Variants in ITIH2 observed in about 807,000 individuals in gnomAD.
ITIH2 encodes inter-alpha-trypsin inhibitor heavy chain H2.
In ITIH2, 103 loss-of-function variants were observed where a neutral mutation model predicts 104.4. That is an observed-to-expected ratio of 0.99 (90% CI 0.84 to 1.16). ITIH2 has a LOEUF of 1.16. ITIH2 is among the 50% of genes most tolerant of loss of function. The probability of loss-of-function intolerance (pLI) is 0.00; values close to 1 mark genes in which losing one functional copy is unlikely to be tolerated. For missense variants in ITIH2, 1,108 were observed against 1,162.4 expected (o/e 0.95, Z 0.68); for synonymous variants, 436 against 435.4 (o/e 1.00, Z -0.02).
rs536052385 is a variant in ITIH2 at position 7,712,130 on chromosome 10, C to T, written c.363-1051C>T. ...CATAATATTCTGTCTTCATCAGCTC[C>T]GGCTGCTATGACTAAGTACCATAAA... On this transcript the variant is annotated intron_variant, in intron 4 of 20. Coordinates refer to ENST00000358415, the MANE Select transcript of ITIH2 (RefSeq NM_002216.3). 1.3e-4 allele frequency among the ~76,000 whole-genome samples: 20 copies of T among 152,206 alleles called. No individual in the cohort carries two copies. In the South Asian group the frequency reaches 2.9e-3, roughly 22 times the overall value.
rs1049543111 is a variant in ITIH2, at chr10:7,720,807, G to A, written c.631-49G>A. On this transcript the variant is annotated intron_variant, in intron 6 of 20. Transcript: ENST00000358415. ...TGTAATTTTACTTCTTGCTTAAAAA[G>A]ACTTTAAAGACTTTTAATGCTTTGG... 1.6e-5 allele frequency: 19 copies of A among 1,166,256 alleles called. No homozygotes were observed. The African/African-American group carries it at 1.8e-4, about 11-fold the overall frequency. 72.2% of individuals were successfully genotyped at this position (1,166,256 alleles called of 1,614,324 possible).
At chr10:7,717,528 G>A (rs1282217124) in intron 5 of ITIH2, 98 bp from the exon 6 acceptor site, 18 of 1,094,460 alleles carry the variant, frequency 1.6e-5, no homozygotes, top group East Asian at 1.4e-4. Context: ...TGAGCAGAAC[G>A]GACGGTCCAG....
At position 7,735,069 on chromosome 10, in the gene ITIH2, G is replaced by A. The variant is rs371743339; in HGVS notation, c.1935G>A (p.Pro645=). 6.8e-6 allele frequency: 11 copies of A among 1,610,226 alleles called. No homozygotes were observed. The highest frequency in any genetic ancestry group is 3.3e-4 in the Middle Eastern group (2 of 6,062). Residue 645 remains proline, a synonymous_variant, in exon 15 of 21, where the codon CCG becomes CCA. Transcript: ENST00000358415. ...GDERMLADAP[P]QDPSCCSGAL... ...AGCGCATGCTGGCGGATGCCCCACC[G>A]CAGGATCCCTCCTGCTGCTCAGGTC... is the stretch of plus-strand genomic sequence containing the variant.
At chr10:7,705,235 CAGA>C (rs1294252742) in intron 2 of ITIH2, 53 bp downstream of exon 2, 10 of 1,230,524 alleles carry the variant, frequency 8.1e-6, no homozygotes, top group Admixed American at 1.9e-5. Context: ...GAGATTATGG[CAGA>C]AGAAGACAAG....
chr10:7,749,340 T>A lies in ITIH2; in HGVS notation c.*6T>A, dbSNP rs781510313. On this transcript the variant is annotated 3_prime_UTR_variant, in exon 21 of 21. Coordinates refer to ENST00000358415, the MANE Select transcript of ITIH2 (RefSeq NM_002216.3). ...GCTTTCTCAAACGGCCTTAAAGGTTTATAGTTTGGGAAATTATATATATTA... is the reference window on the plus strand; with the variant it reads ...GCTTTCTCAAACGGCCTTAAAGGTTAATAGTTTGGGAAATTATATATATTA... 1 of 1,611,316 alleles carries A rather than the reference T, an allele frequency of 6.2e-7. No homozygotes were observed. Among genetic ancestry groups the A allele is most frequent in the Non-Finnish European group, 8.5e-7 (1 of 1,178,046 alleles).
At chr10:7,708,895 A>C in intron 3 of ITIH2, 127 bp from the exon 4 acceptor site, 2 of 793,580 alleles carry the variant, frequency 2.5e-6, no homozygotes, top group Non-Finnish European at 4.2e-6. Flanking sequence ...GTCCTTACCA[A>C]GGCCCTGGAA....
At chr10:7,733,338 C>T (rs1006966337) in intron 14 of ITIH2, among the ~76,000 whole-genome samples, 7 of 152,094 alleles carry the variant, frequency 4.6e-5, no homozygotes, top group South Asian at 2.1e-4. Context: ...CCTCATGACC[C>T]GCCTGCCTCG....
intron 2 of ITIH2, 21 bp downstream of exon 2, chr10:7,705,203 A>G (rs765104530): frequency 8.7e-5 from 129 of 1,490,334 alleles, no homozygotes; most frequent in Non-Finnish European, 1.1e-4. Context: ...GTTTACTCCC[A>G]AAAGGGGGAA....
intron 4 of ITIH2, among the ~76,000 whole-genome samples, chr10:7,711,925 C>A (rs143578181): frequency 6.6e-6 from 1 of 152,154 alleles, no homozygotes; most frequent in Non-Finnish European, 1.5e-5. Context: ...CCACTCTGAC[C>A]AACCATTACT....
At chr10:7,713,306 G>A in intron 5 of ITIH2, 21 bp downstream of exon 5, 3 of 1,570,900 alleles carry the variant, frequency 1.9e-6, no homozygotes, top group Non-Finnish European at 2.6e-6. Context: ...AGTGAGCAAG[G>A]CTTGCCCTTG....
intron 15 of ITIH2, among the ~76,000 whole-genome samples, chr10:7,735,509 C>T (rs539497159): frequency 1.4e-4 from 22 of 152,074 alleles, no homozygotes; most frequent in African/African-American, 3.4e-4. Flanking sequence ...ACTGCACTCC[C>T]GCCTCCTGGG....
chr10:7,723,056 G>A (rs138681959), intron 8 of ITIH2, among the ~76,000 whole-genome samples: 38 of 149,200 alleles, frequency 2.5e-4, no homozygotes, highest in Non-Finnish European at 4.8e-4. Context: ...GAAGTGGCAT[G>A]GAGTGGAGTG....
intron 5 of ITIH2, among the ~76,000 whole-genome samples, chr10:7,715,419 C>CA (rs796129147): frequency 0.049 from 6,870 of 141,004 alleles, 344 homozygotes; most frequent in African/African-American, 0.14. Flanking sequence ...GATTCCTTCT[C>CA]AAAAAAAAAA....
At position 7,707,201 on chromosome 10, in the gene ITIH2, A is replaced by C. The variant is rs143098176; in HGVS notation, c.160A>C (p.Arg54=). ...ATGATTGTCTAACTTCCTTTCACAG[A>C]GAAGCCTTCCAGGAGAATCGGAAGA... ...QLVAENRRYQ[R]SLPGESEEMM... Residue 54 remains arginine (R), a splice_region_variant and synonymous_variant, in exon 3 of 21, where the codon AGA becomes CGA. Coordinates refer to ENST00000358415, the MANE Select transcript of ITIH2 (RefSeq NM_002216.3). 1,242 of 1,602,430 alleles carry C rather than the reference A, an allele frequency of 7.8e-4. 11 individuals are homozygous for C. In the African/African-American group the frequency reaches 0.015, roughly 19 times the overall value.
intron 9 of ITIH2, among the ~76,000 whole-genome samples, 159 bp from the exon 10 acceptor site, chr10:7,726,791 C>A (rs773697599): frequency 6.6e-6 from 1 of 152,078 alleles, no homozygotes; most frequent in African/African-American, 2.4e-5. Context: ...AAATAAGGGG[C>A]AGGTCTGCAT....
chr10:7,708,449 C>T (rs1834766736), intron 3 of ITIH2, among the ~76,000 whole-genome samples: 7 of 152,192 alleles, frequency 4.6e-5, no homozygotes. Flanking sequence ...CTTGCTTACA[C>T]CCGTCACTGT....
chr10:7,730,981 C>T (rs1038109335), intron 12 of ITIH2, among the ~76,000 whole-genome samples: 5 of 152,152 alleles, frequency 3.3e-5, no homozygotes, highest in African/African-American at 7.2e-5. Context: ...TGCAGTGCTG[C>T]GATCTCGGCT....
rs1564306086 is a variant in ITIH2 at position 7,738,224 on chromosome 10, AATATTATATATTATATTCTATAT to A, written c.1958-395_1958-373del. Among the ~76,000 whole-genome samples, 651 of 108,780 alleles carry A rather than the reference AATATTATATATTATATTCTATAT, an allele frequency of 6.0e-3. 16 individuals are homozygous for A. Among genetic ancestry groups the A allele is most frequent in the East Asian group, 0.016 (64 of 4,040 alleles). 71.4% of individuals were successfully genotyped at this position (108,780 alleles called of 152,430 possible). A position where few individuals can be genotyped will look rare whatever the true frequency, so the allele number is the denominator to read the frequency against. On this transcript the variant is annotated intron_variant, in intron 15 of 20. Transcript: ENST00000358415. ...AAATATTATATATTATATTCTATATAATATTATATATTATATTCTATATAATATTATATATTATATTCTATATA... is the reference window on the plus strand; with the variant it reads ...AAATATTATATATTATATTCTATATAAATATTATATATTATATTCTATATA...
chr10:7,744,695 G>C, intron 18 of ITIH2, 96 bp from the exon 19 acceptor site: 1 of 987,392 alleles, frequency 1.0e-6, no homozygotes, highest in Non-Finnish European at 1.5e-6. Flanking sequence ...GGAATTGTCT[G>C]GGAGGAGTGA....
Sources: allele counts gnomAD v4.1 joint callset (sites outside exome capture counted in the v4.1 genomes callset), GRCh38; gene constraint gnomAD v4.1.1; transcripts MANE v1.5; gene names NCBI Gene and HGNC (gene_info 2026-07-23, HGNC 2026-07-21).